Variants in CREB3L4 observed in about 807,000 individuals in gnomAD.
CREB3L4 encodes the protein cAMP responsive element binding protein 3 like 4, also known as cyclic AMP-responsive element-binding protein 3-like protein 4.
CREB3L4 carries 28 observed loss-of-function variants against 37.0 expected under a neutral mutation model. That is an observed-to-expected ratio of 0.76 (90% CI 0.56 to 1.04). CREB3L4 has a LOEUF of 1.04. Ranked by LOEUF, CREB3L4 falls within the 50% of genes least tolerant of loss-of-function variation. The pLI is 0.00. For missense variants in CREB3L4, 462 were observed against 486.0 expected (o/e 0.95, Z 0.46); for synonymous variants, 175 against 192.2 (o/e 0.91, Z 0.74).
rs780122520 is a variant in CREB3L4, at chr1:153,973,191, C to G, written c.744-4C>G. 6.2e-7 allele frequency: 1 copy of G among 1,613,908 alleles called. No individual in the cohort carries two copies. The highest frequency in any genetic ancestry group is 1.1e-5 in the South Asian group (1 of 91,026). On this transcript the variant is annotated splice_polypyrimidine_tract_variant and splice_region_variant and intron_variant, in intron 6 of 9. Transcript: ENST00000368607. ...GAGCCTTGTCCTACCTCCCTACATT[C>G]TAGGGTGGCAGCCTGTTCTGCACAG...
rs776386806 is a variant in CREB3L4 at position 153,972,971 on chromosome 1, G to A, written c.637-1G>A. The A allele has an allele frequency of 1.9e-6, 3 of 1,613,946 alleles. No individual in the cohort carries two copies. On this transcript the variant is annotated splice_acceptor_variant, in intron 5 of 9. Transcript: ENST00000368607. LOFTEE classifies it high-confidence loss of function. ...GGACTCACACATCCTGGGCCTCCAA[G>A]GCAGAGGAGAGGGTCCTCAAGAAGG... is the stretch of plus-strand genomic sequence containing the variant.
intron 4 of CREB3L4, 98 bp from the exon 5 acceptor site, chr1:153,972,646 C>A: frequency 1.1e-6 from 1 of 896,016 alleles, no homozygotes; most frequent in Non-Finnish European, 1.7e-6. Flanking sequence ...AGTGAGGAAA[C>A]ACTCTCCAGA....
At chr1:153,970,258 C>T (rs1476672061) in intron 4 of CREB3L4, among the ~76,000 whole-genome samples, 1 of 152,054 alleles carries the variant, frequency 6.6e-6, no homozygotes. Context: ...CAGGGAAGGA[C>T]AAGGGAGAAA....
In CREB3L4 at chr1:153,973,677, C is replaced by T. The variant is rs1648632214; in HGVS notation, c.955C>T (p.Arg319Ter). Residue 319 changes from arginine to a stop codon, truncating the protein, a stop_gained, in exon 9 of 10, where the codon CGA becomes TGA. Coordinates refer to ENST00000368607, the MANE Select transcript of CREB3L4 (RefSeq NM_001255978.2). LOFTEE classifies it low-confidence loss of function (END_TRUNC). ...GCCCAGCTTCAGTCCATTCCAGAGT[C>T]GACCAGAAGCTGGGTCTGAGGATTA... The part of the protein sequence containing the change: ...ILPSFSPFQS[R>*]PEAGSEDYQP... The T allele has an allele frequency of 4.4e-6, 7 of 1,608,904 alleles. No individual in the cohort carries two copies. The highest frequency in any genetic ancestry group is 2.2e-5 in the East Asian group (1 of 44,836).
Position 153,972,833 on chromosome 1 carries a change from C to A in CREB3L4, c.633C>A (p.Thr211=), listed in dbSNP as rs775427103. The part of the protein sequence containing the change: ...GVSLPSHLPL[T]KAEERVLKKV... ...CCCTGCCCTCTCACCTGCCCCTCAC[C>A]AAGGTAACATGCTTCCCCTAAGGGT... The change falls in exon 5 of 10, where the codon ACC becomes ACA. Residue 211 remains threonine, a synonymous_variant. Coordinates refer to ENST00000368607, the MANE Select transcript of CREB3L4 (RefSeq NM_001255978.2). The A allele has an allele frequency of 3.7e-6, 6 of 1,613,212 alleles. No homozygotes were observed. In the African/African-American group the frequency reaches 8.0e-5, roughly 22 times the overall value.
In CREB3L4 at chr1:153,973,864, C is replaced by A; in HGVS notation, c.995-8C>A. The A allele has an allele frequency of 6.2e-7, 1 of 1,613,600 alleles. No homozygotes were observed. The highest frequency in any genetic ancestry group is 1.3e-5 in the African/African-American group (1 of 75,018). ...CTCTACTACTGCCCTCTTGCCTTCA[C>A]CTCACAGTGACTTCCAGAAATATCC... On this transcript the variant is annotated splice_region_variant and splice_polypyrimidine_tract_variant and intron_variant, in intron 9 of 9. Coordinates refer to ENST00000368607, the MANE Select transcript of CREB3L4 (RefSeq NM_001255978.2).
At chr1:153,968,730 G>A (rs1571105563) in intron 2 of CREB3L4, 31 bp downstream of exon 2, 1 of 1,612,772 alleles carries the variant, frequency 6.2e-7, no homozygotes, top group Non-Finnish European at 8.5e-7. Flanking sequence ...TGGGGGTGGG[G>A]TTGAGACACA....
At chr1:153,971,587 C>CTTTA (rs1648380267) in intron 4 of CREB3L4, among the ~76,000 whole-genome samples, 2 of 107,514 alleles carry the variant, frequency 1.9e-5, no homozygotes, top group African/African-American at 7.1e-5. Flanking sequence ...TTTTCTTTTT[C>CTTTA]TTTTTTTTTT....
chr1:153,973,176 C>G lies in CREB3L4; in HGVS notation c.744-19C>G, dbSNP rs1172400074. On this transcript the variant is annotated intron_variant, in intron 6 of 9. Coordinates refer to ENST00000368607, the MANE Select transcript of CREB3L4 (RefSeq NM_001255978.2). ...GGGACTCAGGTTGCTGAGCCTTGTC[C>G]TACCTCCCTACATTCTAGGGTGGCA... 7.4e-6 allele frequency: 12 copies of G among 1,613,840 alleles called. No homozygotes were observed. The South Asian group carries it at 1.3e-4, about 18-fold the overall frequency.
chr1:153,968,688 G>A lies in CREB3L4; in HGVS notation c.163G>A (p.Asp55Asn), dbSNP rs535535298. The A allele has an allele frequency of 1.2e-6, 2 of 1,613,850 alleles. No individual in the cohort carries two copies. The highest frequency in any genetic ancestry group is 1.7e-6 in the Non-Finnish European group (2 of 1,179,986). ...QGLQGWKSGGDRGCGLQESEP... is the reference protein window; with the variant it reads ...QGLQGWKSGGNRGCGLQESEP... ...ACTGCAAGGCTGGAAGTCCGGTGGG[G>A]ACCGTGGCTGTGTGAGTGTGACGAG... The change falls in exon 2 of 10, where the codon GAC becomes AAC. Residue 55 changes from aspartate (D) to asparagine (N), a missense_variant. Transcript: ENST00000368607.
chr1:153,970,880 GACA>G (rs935114100), intron 4 of CREB3L4, among the ~76,000 whole-genome samples: 5 of 150,212 alleles, frequency 3.3e-5, no homozygotes, highest in African/African-American at 1.2e-4. Flanking sequence ...GAGTAGCTGG[GACA>G]ACAAGTGTGC....
chr1:153,971,587 C>CT (rs55930906), intron 4 of CREB3L4, among the ~76,000 whole-genome samples: 19,824 of 107,986 alleles, frequency 0.18, 2,116 homozygotes, highest in East Asian at 0.51. Context: ...TTTTCTTTTT[C>CT]TTTTTTTTTT....
At chr1:153,970,396 G>C (rs1289062716) in intron 4 of CREB3L4, among the ~76,000 whole-genome samples, 1 of 152,130 alleles carries the variant, frequency 6.6e-6, no homozygotes, top group Non-Finnish European at 1.5e-5. Context: ...TCTCAGCCTT[G>C]GGTCAGGACA....
chr1:153,970,316 G>A (rs938814007), intron 4 of CREB3L4, among the ~76,000 whole-genome samples: 4 of 152,120 alleles, frequency 2.6e-5, no homozygotes, highest in African/African-American at 4.8e-5. Flanking sequence ...GTGGGGTGAG[G>A]GAATCTGGGG....
At position 153,972,953 on chromosome 1, in the gene CREB3L4, C is replaced by T. The variant is rs774314209; in HGVS notation, c.637-19C>T. On this transcript the variant is annotated intron_variant, in intron 5 of 9. Transcript: ENST00000368607. The stretch of plus-strand genomic sequence containing the variant: ...GGGCAGGTGAAGGACCCAGGACTCA[C>T]ACATCCTGGGCCTCCAAGGCAGAGG... 4.4e-6 allele frequency: 7 copies of T among 1,606,596 alleles called. No homozygotes were observed. The Admixed American group carries it at 5.0e-5, about 11-fold the overall frequency.
chr1:153,968,691 C>T lies in CREB3L4; in HGVS notation c.166C>T (p.Arg56Cys), dbSNP rs749706424. 1.1e-5 allele frequency: 18 copies of T among 1,613,026 alleles called. No homozygotes were observed. The highest frequency in any genetic ancestry group is 3.3e-5 in the South Asian group (3 of 91,016). Residue 56 changes from arginine to cysteine, a missense_variant, in exon 2 of 10, where the codon CGT becomes TGT. Coordinates refer to ENST00000368607, the MANE Select transcript of CREB3L4 (RefSeq NM_001255978.2). ...GLQGWKSGGD[R>C]GCGLQESEPE... is the part of the protein sequence containing the mutation. ...GCAAGGCTGGAAGTCCGGTGGGGAC[C>T]GTGGCTGTGTGAGTGTGACGAGTGG...
Position 153,973,707 on chromosome 1 carries a change from C to T in CREB3L4, c.985C>T (p.Pro329Ser), listed in dbSNP as rs1051617990. Residue 329 changes from proline to serine, a missense_variant, in exon 9 of 10, where the codon CCT (proline) becomes TCT (serine). Transcript: ENST00000368607. ...RPEAGSEDYQPHGVTSRNILT... is the reference protein window; with the variant it reads ...RPEAGSEDYQSHGVTSRNILT... Reference sequence around the variant, plus strand: ...AGAAGCTGGGTCTGAGGATTACCAGCCTCACGGAGGTGAGAGGCAAGGGCA... The same window carrying T: ...AGAAGCTGGGTCTGAGGATTACCAGTCTCACGGAGGTGAGAGGCAAGGGCA... 6.2e-7 allele frequency: 1 copy of T among 1,600,442 alleles called. No homozygotes were observed. Among genetic ancestry groups the T allele is most frequent in the African/African-American group, 1.3e-5 (1 of 74,720 alleles).
intron 4 of CREB3L4, among the ~76,000 whole-genome samples, chr1:153,970,694 T>C (rs1648280043): frequency 1.3e-5 from 2 of 149,916 alleles, no homozygotes; most frequent in South Asian, 4.3e-4. Context: ...TCTTCAAATC[T>C]GCAGTTGAAG....
Position 153,973,831 on chromosome 1 carries a change from G to A in CREB3L4, c.995-41G>A, listed in dbSNP as rs980958850. On this transcript the variant is annotated intron_variant, in intron 9 of 9. Coordinates refer to ENST00000368607, the MANE Select transcript of CREB3L4 (RefSeq NM_001255978.2). ...TGTCCTGTCTAGGGTCTCCCACCCAGGGGAGCACTCTACTACTGCCCTCTT... is the reference window on the plus strand; with the variant it reads ...TGTCCTGTCTAGGGTCTCCCACCCAAGGGAGCACTCTACTACTGCCCTCTT... 3 of 1,599,398 alleles carry A rather than the reference G, an allele frequency of 1.9e-6. No individual in the cohort carries two copies. In the Admixed American group the frequency reaches 5.0e-5, roughly 27 times the overall value.
Sources: allele counts gnomAD v4.1 joint callset (sites outside exome capture counted in the v4.1 genomes callset), GRCh38; gene constraint gnomAD v4.1.1; transcripts MANE v1.5; gene names NCBI Gene and HGNC (gene_info 2026-07-23, HGNC 2026-07-21).